The following NEK11 variants were observed in gnomAD, a reference collection of about 807,000 sequenced individuals.
The protein encoded by NEK11 is NIMA related kinase 11, also known as serine/threonine-protein kinase Nek11.
In NEK11, 72 loss-of-function variants were observed where a neutral mutation model predicts 80.7. That is an observed-to-expected ratio of 0.89 (90% CI 0.74 to 1.08). NEK11 has a LOEUF of 1.08. Ranked by LOEUF, NEK11 falls within the 50% of genes least tolerant of loss-of-function variation. NEK11 has a pLI of 0.00. For synonymous variants in NEK11, 251 were observed against 260.7 expected (o/e 0.96, Z 0.36); for missense variants, 764 against 763.6 (o/e 1.00, Z -0.01).
At chr3:131,061,482 G>A (rs1311829972) in intron 3 of NEK11, among the ~76,000 whole-genome samples, 1 of 152,074 alleles carries the variant, frequency 6.6e-6, no homozygotes, top group Non-Finnish European at 1.5e-5. Context: ...ATCAGATAGT[G>A]TATCTCGGTG....
intron 4 of NEK11, among the ~76,000 whole-genome samples, chr3:131,093,852 A>C (rs2077075612): frequency 6.6e-6 from 1 of 152,016 alleles, no homozygotes. Flanking sequence ...AAAAGCTATC[A>C]ATTATGAAAT....
chr3:131,337,622 A>G (rs1338708408), intron 17 of NEK11, among the ~76,000 whole-genome samples: 5 of 150,564 alleles, frequency 3.3e-5, no homozygotes, highest in Non-Finnish European at 5.9e-5. Context: ...TAATAATAAT[A>G]AAATTTAAAA....
At chr3:131,078,668 G>A (rs1416969534) in intron 3 of NEK11, among the ~76,000 whole-genome samples, 1 of 152,028 alleles carries the variant, frequency 6.6e-6, no homozygotes, top group Non-Finnish European at 1.5e-5. Flanking sequence ...GAAGTTAATA[G>A]CATAATCACA....
intron 16 of NEK11, among the ~76,000 whole-genome samples, chr3:131,255,543 T>C (rs914033470): frequency 2.0e-5 from 3 of 152,196 alleles, no homozygotes; most frequent in African/African-American, 7.2e-5. Context: ...CATCAATCCC[T>C]TCCTCACACC....
intron 10 of NEK11, among the ~76,000 whole-genome samples, chr3:131,159,667 C>T (rs2718876): frequency 0.82 from 124,678 of 152,088 alleles, 51,184 homozygotes; most frequent in East Asian, 0.86. Flanking sequence ...AAGGAGGCTG[C>T]GGCAGGAGAA....
At chr3:131,147,675 G>A (rs2088662674) in intron 7 of NEK11, among the ~76,000 whole-genome samples, 1 of 151,890 alleles carries the variant, frequency 6.6e-6, no homozygotes, top group Non-Finnish European at 1.5e-5. Flanking sequence ...GTGTTTTTGT[G>A]CAAGTTTATA....
At position 131,185,594 on chromosome 3, in the gene NEK11, G is replaced by T. The variant is rs187129780; in HGVS notation, c.1399+14707G>T. Among the ~76,000 whole-genome samples the T allele has an allele frequency of 2.2e-3, 336 of 152,280 alleles. 6 individuals carry two copies. The highest frequency in any genetic ancestry group is 0.013 in the Admixed American group (200 of 15,288). On this transcript the variant is annotated intron_variant, in intron 14 of 17. Coordinates refer to ENST00000383366, the MANE Select transcript of NEK11 (RefSeq NM_024800.5). ...TACAGTTTGAGGCGCTGGGTTCACT[G>T]CATGCTTGGCAGCTAATCATCAAAT... is the stretch of plus-strand genomic sequence containing the variant.
At chr3:131,148,049 T>A (rs985147613) in intron 7 of NEK11, among the ~76,000 whole-genome samples, 5 of 151,910 alleles carry the variant, frequency 3.3e-5, no homozygotes, top group African/African-American at 1.2e-4. Context: ...TCTGGTGTGC[T>A]AGGAGTTTTC....
intron 14 of NEK11, chr3:131,174,751 A>C: frequency 6.2e-7 from 1 of 1,605,720 alleles, no homozygotes; most frequent in Non-Finnish European, 8.5e-7. Context: ...CATTTGTTTT[A>C]TATTTTATTT....
intron 14 of NEK11, among the ~76,000 whole-genome samples, chr3:131,218,148 C>T (rs76905590): frequency 0.018 from 2,713 of 152,224 alleles, 87 homozygotes; most frequent in African/African-American, 0.062. Context: ...TGTTTTGTAA[C>T]CATGAGTCAA....
chr3:131,102,897 T>G (rs1046757642), intron 4 of NEK11, among the ~76,000 whole-genome samples: 2 of 152,220 alleles, frequency 1.3e-5, no homozygotes, highest in African/African-American at 4.8e-5. Flanking sequence ...TTTGTCCAAC[T>G]GAGTTGATTC....
At chr3:131,341,702 C>CT (rs929307225) in intron 17 of NEK11, among the ~76,000 whole-genome samples, 3 of 152,126 alleles carry the variant, frequency 2.0e-5, no homozygotes, top group African/African-American at 7.2e-5. Flanking sequence ...ATTTAGAATT[C>CT]TTTTTTTCTT....
In NEK11 at chr3:131,304,763, C is replaced by T. The variant is rs1405877330; in HGVS notation, c.1718+31189C>T. On this transcript the variant is annotated intron_variant, in intron 17 of 17. Transcript: ENST00000383366. ...CACTAGGGGGGTGTTGAGGTGTTCC[C>T]GGTCTGCTAGCCACAACATGCCAAT... Among the ~76,000 whole-genome samples the T allele has an allele frequency of 2.6e-5, 4 of 152,046 alleles. No homozygotes were observed. The South Asian group carries it at 6.2e-4, about 24-fold the overall frequency.
intron 14 of NEK11, among the ~76,000 whole-genome samples, chr3:131,201,514 G>A (rs2094225973): frequency 6.6e-6 from 1 of 152,172 alleles, no homozygotes; most frequent in African/African-American, 2.4e-5. Flanking sequence ...TAGGGGAAAT[G>A]TTCTCTCTGA....
chr3:131,143,664 C>T (rs1389770340), intron 7 of NEK11, among the ~76,000 whole-genome samples: 6 of 151,978 alleles, frequency 3.9e-5, no homozygotes, highest in African/African-American at 1.5e-4. Context: ...GTTTGGGAAA[C>T]ACTGATAGAG....
chr3:131,217,212 A>C (rs546413601), intron 14 of NEK11, among the ~76,000 whole-genome samples: 4 of 152,326 alleles, frequency 2.6e-5, no homozygotes, highest in Non-Finnish European at 5.9e-5. Flanking sequence ...AAAATACAAT[A>C]TATGTTGAAT....
At position 131,338,273 on chromosome 3, in the gene NEK11, T is replaced by G. The variant is rs1002328028; in HGVS notation, c.1719-11284T>G. On this transcript the variant is annotated intron_variant, in intron 17 of 17. Transcript: ENST00000383366. Reference sequence around the variant, plus strand: ...AGCCACGGCGCCCAGCTGGTTTTTTTTTTTTTTTTTTTTTTTTTAATACTA... The same window carrying G: ...AGCCACGGCGCCCAGCTGGTTTTTTGTTTTTTTTTTTTTTTTTTAATACTA... Among the ~76,000 whole-genome samples, 8 of 147,778 alleles carry G rather than the reference T, an allele frequency of 5.4e-5. No homozygotes were observed. In the East Asian group the frequency reaches 7.8e-4, roughly 14 times the overall value.
intron 17 of NEK11, among the ~76,000 whole-genome samples, chr3:131,339,107 C>T (rs2097245839): frequency 6.6e-6 from 1 of 152,000 alleles, no homozygotes; most frequent in Non-Finnish European, 1.5e-5. Context: ...TTCTATTTTC[C>T]CCTCCTTTCC....
chr3:131,184,670 C>G, intron 14 of NEK11: 1 of 741,104 alleles, frequency 1.3e-6, no homozygotes, highest in Non-Finnish European at 1.9e-6. Context: ...CATCACTGTT[C>G]ATCTATAAAA....
Sources: allele counts gnomAD v4.1 joint callset (sites outside exome capture counted in the v4.1 genomes callset), GRCh38; gene constraint gnomAD v4.1.1; transcripts MANE v1.5; gene names NCBI Gene and HGNC (gene_info 2026-07-23, HGNC 2026-07-21).